CSMD2: variants seen among roughly 807,000 people sequenced by gnomAD.
The protein encoded by CSMD2 is CUB and sushi domain-containing protein 2.
A neutral mutation model predicts 398.5 loss-of-function variants in CSMD2; 130 were observed. The observed-to-expected ratio is 0.33, with a 90% CI of 0.28 to 0.38. The LOEUF (loss-of-function observed/expected upper bound fraction) is 0.38. Among genes scored for constraint, CSMD2 ranks in the 10% least tolerant of loss-of-function variants. The probability of loss-of-function intolerance (pLI) is 1.00; values close to 1 mark genes in which losing one functional copy is unlikely to be tolerated. For synonymous variants in CSMD2, 1,828 were observed against 1,908.5 expected, an observed-to-expected ratio of 0.96 and a Z score of 1.10; for missense variants, 3,829 against 4,764.9, an observed-to-expected ratio of 0.80 and a Z score of 5.78.
intron 2 of CSMD2, among the ~76,000 whole-genome samples, chr1:34,052,495 CTGTGTGTGTGTGTGTGTGTGTG>C (rs143571706): frequency 1.5e-5 from 2 of 134,172 alleles, no homozygotes; most frequent in African/African-American, 5.7e-5. Flanking sequence ...TATGGGACAA[CTGTGTGTGTGTGTGTGTGTGTG>C]TGTGTGTGTG....
intron 26 of CSMD2, 89 bp from the exon 27 acceptor site, chr1:33,658,226 T>C: frequency 8.7e-7 from 1 of 1,150,770 alleles, no homozygotes; most frequent in Non-Finnish European, 1.3e-6. Flanking sequence ...CTGATTGCCA[T>C]CATCCGTGCA....
intron 9 of CSMD2, among the ~76,000 whole-genome samples, chr1:33,811,543 C>T (rs577622762): frequency 5.9e-5 from 9 of 152,166 alleles, no homozygotes; most frequent in Non-Finnish European, 1.2e-4. Context: ...CTTCCCAAAT[C>T]CGTCTCCACA....
chr1:33,587,113 G>A lies in CSMD2; in HGVS notation c.6912C>T (p.Val2304=), dbSNP rs1288412011. 3 of 1,609,194 alleles carry A rather than the reference G, an allele frequency of 1.9e-6. No homozygotes were observed. In the African/African-American group the frequency reaches 4.0e-5, roughly 21 times the overall value. ...CTATATTGAATTCTTCATTCTCTGT[G>A]ACGACTTCGGCGTTGGGGAGGATGG... ...PPTILPNAEV[V]TENEEFNIGD... Residue 2304 remains valine, a synonymous_variant, in exon 45 of 71, where the codon GTC becomes GTT. Coordinates refer to ENST00000373381, the MANE Select transcript of CSMD2 (RefSeq NM_001281956.2).
At chr1:33,889,074 T>G (rs1641805242) in intron 5 of CSMD2, among the ~76,000 whole-genome samples, 1 of 152,050 alleles carries the variant, frequency 6.6e-6, no homozygotes, top group Non-Finnish European at 1.5e-5. Context: ...CCGGCCAAGA[T>G]CAACTGATTT....
chr1:33,936,080 A>C (rs1283337882), intron 3 of CSMD2, 126 bp from the exon 4 acceptor site: 1 of 725,484 alleles, frequency 1.4e-6, no homozygotes, highest in African/African-American at 1.8e-5. Context: ...TCTTCTGTGA[A>C]CAGCATTGCC....
Position 33,541,295 on chromosome 1 carries a change from C to A in CSMD2, c.9292G>T (p.Asp3098Tyr). The change falls in exon 59 of 71, where the codon GAC becomes TAC. Residue 3098 changes from aspartate (D) to tyrosine (Y), a missense_variant. Coordinates refer to ENST00000373381, the MANE Select transcript of CSMD2 (RefSeq NM_001281956.2). ...AGGCCATTGGCTGGAATCCCAGGGT[C>A]ACCACAGTTTATGACTAGGATAAGA... ...DPECLVINCGDPGIPANGLRL... is the reference protein window; with the variant it reads ...DPECLVINCGYPGIPANGLRL... 6.2e-7 allele frequency: 1 copy of A among 1,613,964 alleles called. No individual in the cohort carries two copies. Among genetic ancestry groups the A allele is most frequent in the South Asian group, 1.1e-5 (1 of 91,066 alleles).
chr1:33,868,345 A>C (rs1363623145), intron 5 of CSMD2, among the ~76,000 whole-genome samples: 1 of 152,188 alleles, frequency 6.6e-6, no homozygotes, highest in Non-Finnish European at 1.5e-5. Flanking sequence ...ATTTACATAA[A>C]TCTTATGCCT....
chr1:34,022,388 A>ATC (rs1649020602), intron 3 of CSMD2, among the ~76,000 whole-genome samples: 1 of 152,338 alleles, frequency 6.6e-6, no homozygotes, highest in African/African-American at 2.4e-5. Flanking sequence ...GCTGGCTACT[A>ATC]TCTGGACGAG....
chr1:33,548,343 T>G (rs1017146778), intron 56 of CSMD2, among the ~76,000 whole-genome samples: 1 of 152,172 alleles, frequency 6.6e-6, no homozygotes, highest in Admixed American at 6.5e-5. Flanking sequence ...TATTGCACCA[T>G]GGGGGCAGAG....
chr1:34,031,765 C>CAAAAAAAAAAAA (rs556094322), intron 3 of CSMD2, among the ~76,000 whole-genome samples: 5 of 71,260 alleles, frequency 7.0e-5, no homozygotes, highest in African/African-American at 1.1e-4. Context: ...AAGGCAAAGG[C>CAAAAAAAAAAAA]AAAAAAAAAA....
At position 34,060,205 on chromosome 1, in the gene CSMD2, T is replaced by A. The variant is rs183355363; in HGVS notation, c.405-27499A>T. On this transcript the variant is annotated intron_variant, in intron 2 of 70. Transcript: ENST00000373381. ...GGGAATGAACATCCTAAGAAGAGGA[T>A]CTGCAGGCAAAGGAGGCTCTGAAAC... Among the ~76,000 whole-genome samples the A allele has an allele frequency of 2.6e-5, 4 of 152,078 alleles. No individual in the cohort carries two copies. The East Asian group carries it at 7.8e-4, about 30-fold the overall frequency.
intron 62 of CSMD2, among the ~76,000 whole-genome samples, chr1:33,536,513 G>A (rs374248109): frequency 4.6e-5 from 7 of 152,288 alleles, no homozygotes; most frequent in East Asian, 1.9e-4. Context: ...GTGAGCCACC[G>A]CACCCGGCCA....
intron 22 of CSMD2, among the ~76,000 whole-genome samples, chr1:33,706,824 G>A (rs1394416820): frequency 2.0e-5 from 3 of 150,338 alleles, no homozygotes; most frequent in Admixed American, 2.0e-4. Flanking sequence ...TTGTGCGTGC[G>A]TGTGTATGTG....
At chr1:33,808,005 C>T (rs907269728) in intron 10 of CSMD2, among the ~76,000 whole-genome samples, 3 of 152,064 alleles carry the variant, frequency 2.0e-5, no homozygotes, top group African/African-American at 7.2e-5. Flanking sequence ...AGGTTAAAAA[C>T]ATTACTACAG....
At chr1:33,772,790 G>A (rs1651464037) in intron 12 of CSMD2, 39 bp from the exon 13 acceptor site, 1 of 1,571,580 alleles carries the variant, frequency 6.4e-7, no homozygotes, top group African/African-American at 1.3e-5. Context: ...GACAAAAGGT[G>A]ACTTTATACC....
chr1:33,539,344 C>A (rs1398171126), intron 60 of CSMD2, among the ~76,000 whole-genome samples: 1 of 152,036 alleles, frequency 6.6e-6, no homozygotes, highest in Non-Finnish European at 1.5e-5. Context: ...AAATTCATCA[C>A]CAGTGCAAAA....
rs1450882856 is a variant in CSMD2, at chr1:33,960,278, A to G, written c.518-24324T>C. Among the ~76,000 whole-genome samples the G allele has an allele frequency of 2.6e-5, 4 of 152,246 alleles. No individual in the cohort carries two copies. In the South Asian group the frequency reaches 6.2e-4, roughly 24 times the overall value. On this transcript the variant is annotated intron_variant, in intron 3 of 70. Coordinates refer to ENST00000373381, the MANE Select transcript of CSMD2 (RefSeq NM_001281956.2). The stretch of plus-strand genomic sequence containing the variant: ...CCTCAGACCACCTCCTCTGTGCTGG[A>G]AACTGTCTTTCATTTGTCAGAGGTT...
intron 13 of CSMD2, among the ~76,000 whole-genome samples, chr1:33,756,817 A>G (rs1243062854): frequency 6.6e-6 from 1 of 152,218 alleles, no homozygotes; most frequent in Non-Finnish European, 1.5e-5. Flanking sequence ...GTATATACCC[A>G]AAGGATTATA....
intron 1 of CSMD2, among the ~76,000 whole-genome samples, chr1:34,148,858 G>C (rs1640026940): frequency 6.6e-6 from 1 of 152,146 alleles, no homozygotes. Flanking sequence ...TTGACCTGGG[G>C]ATCTTGTTAA....
Sources: gnomAD v4.1 joint callset for allele counts (sites outside exome capture counted in the v4.1 genomes callset) on GRCh38, gnomAD v4.1.1 for gene constraint, MANE v1.5 for transcripts, NCBI Gene and HGNC (gene_info 2026-07-23, HGNC 2026-07-21) for gene names.